Variants in SLC4A4 observed in about 807,000 individuals in gnomAD.
The protein encoded by SLC4A4 is electrogenic sodium bicarbonate cotransporter 1.
SLC4A4 carries 27 observed loss-of-function variants against 111.5 expected under a neutral mutation model. The ratio of observed to expected loss-of-function variants is 0.24; its 90% confidence interval spans 0.18 to 0.33. The LOEUF (loss-of-function observed/expected upper bound fraction) is 0.33, where lower values mean the gene tolerates loss of function less well. SLC4A4 is among the 10% of genes least tolerant of loss of function. SLC4A4 has a pLI of 1.00. For missense variants in SLC4A4, 909 were observed against 1,315.5 expected, an observed-to-expected ratio of 0.69 and a Z score of 4.78; for synonymous variants, 443 against 463.4, an observed-to-expected ratio of 0.96 and a Z score of 0.57.
intron 3 of SLC4A4, among the ~76,000 whole-genome samples, chr4:71,256,069 T>A (rs1386789932): frequency 6.6e-6 from 1 of 152,210 alleles, no homozygotes; most frequent in Non-Finnish European, 1.5e-5. Flanking sequence ...TTGCTTTTTG[T>A]TTCTTTAATG....
chr4:71,571,874 C>T lies in SLC4A4; in HGVS notation c.*4123C>T, dbSNP rs553161374. ...AATGAAGTAGATCAACATGGTGGAA[C>T]AAAATGATAAAGAACAGAAAACATT... is the stretch of plus-strand genomic sequence containing the variant. On this transcript the variant is annotated 3_prime_UTR_variant, in exon 26 of 26. Transcript: ENST00000264485. The T allele has an allele frequency of 1.3e-5, 2 of 152,108 alleles. No individual in the cohort carries two copies. Among genetic ancestry groups the T allele is most frequent in the East Asian group, 1.9e-4 (1 of 5,136 alleles). 9.4% of individuals were successfully genotyped at this position (152,108 alleles called of 1,614,324 possible).
intron 5 of SLC4A4, among the ~76,000 whole-genome samples, chr4:71,355,141 G>A (rs985609571): frequency 6.6e-6 from 1 of 152,200 alleles, no homozygotes; most frequent in Non-Finnish European, 1.5e-5. Flanking sequence ...TAGTAACAGA[G>A]GACTGGCTGT....
intron 8 of SLC4A4, among the ~76,000 whole-genome samples, chr4:71,441,250 ATGT>A (rs1724686463): frequency 6.6e-6 from 1 of 152,136 alleles, no homozygotes; most frequent in Non-Finnish European, 1.5e-5. Context: ...TCACTATTAA[ATGT>A]TGTGTCACAA....
At chr4:71,125,473 T>C (rs1482507479) in intron 2 of SLC4A4, among the ~76,000 whole-genome samples, 2 of 152,262 alleles carry the variant, frequency 1.3e-5, no homozygotes, top group East Asian at 3.9e-4. Flanking sequence ...GGCACGAGAA[T>C]TGTTTGAACC....
intron 20 of SLC4A4, among the ~76,000 whole-genome samples, chr4:71,549,126 C>T (rs1735777904): frequency 6.6e-6 from 1 of 151,836 alleles, no homozygotes; most frequent in Admixed American, 6.6e-5. Context: ...TAAAAGAGTA[C>T]AGAGCTTATG....
chr4:71,352,916 G>A (rs1283120682), intron 5 of SLC4A4, among the ~76,000 whole-genome samples: 3 of 152,158 alleles, frequency 2.0e-5, no homozygotes. Flanking sequence ...CAGCAAGGGT[G>A]ATGAAAGTTA....
At chr4:71,258,338 G>A (rs1721606106) in intron 3 of SLC4A4, among the ~76,000 whole-genome samples, 1 of 152,178 alleles carries the variant, frequency 6.6e-6, no homozygotes, top group South Asian at 2.1e-4. Context: ...CCTCTTCAGA[G>A]AGTCCTTTCC....
intron 2 of SLC4A4, among the ~76,000 whole-genome samples, chr4:71,144,447 T>A: frequency 6.6e-6 from 1 of 152,196 alleles, no homozygotes; most frequent in East Asian, 1.9e-4. Context: ...TTTGGTTCCT[T>A]ATGAACTTTA....
intron 3 of SLC4A4, among the ~76,000 whole-genome samples, chr4:71,316,192 G>A (rs1210498138): frequency 6.6e-6 from 1 of 152,164 alleles, no homozygotes. Flanking sequence ...AACTGTGGCA[G>A]CAAAATAAAT....
intron 1 of SLC4A4, among the ~76,000 whole-genome samples, chr4:71,065,467 G>A (rs564531052): frequency 1.4e-5 from 2 of 145,076 alleles, no homozygotes; most frequent in Non-Finnish European, 3.2e-5. Context: ...CTTGCTAATG[G>A]TATGATTTTG....
intron 2 of SLC4A4, among the ~76,000 whole-genome samples, chr4:71,181,883 G>C (rs959567328): frequency 2.0e-5 from 3 of 152,154 alleles, no homozygotes; most frequent in African/African-American, 7.2e-5. Flanking sequence ...TAGGGCTAAG[G>C]GGATTCTACA....
At chr4:71,441,577 T>C (rs928442807) in intron 8 of SLC4A4, among the ~76,000 whole-genome samples, 1 of 152,010 alleles carries the variant, frequency 6.6e-6, no homozygotes. Context: ...TCCTTTAGGT[T>C]TCCTCATGTG....
chr4:71,496,486 G>A (rs1730420534), intron 15 of SLC4A4, among the ~76,000 whole-genome samples: 1 of 151,988 alleles, frequency 6.6e-6, no homozygotes, highest in Non-Finnish European at 1.5e-5. Flanking sequence ...ACCTGGAGAC[G>A]AAGAGGGTAT....
At chr4:71,361,869 A>G (rs10000718) in intron 6 of SLC4A4, among the ~76,000 whole-genome samples, 19 of 152,202 alleles carry the variant, frequency 1.2e-4, no homozygotes, top group Non-Finnish European at 2.5e-4. Flanking sequence ...CTTAATTGGT[A>G]TTCATTCAAT....
At position 71,193,198 on chromosome 4, in the gene SLC4A4, C is replaced by T. The variant is rs547466044; in HGVS notation, c.-2+5797C>T. Among the ~76,000 whole-genome samples, 402 of 152,304 alleles carry T rather than the reference C, an allele frequency of 2.6e-3. 1 individual carries two copies. The highest frequency in any genetic ancestry group is 4.6e-3 in the Non-Finnish European group (312 of 68,024). Reference sequence around the variant, plus strand: ...TTGGTGAACATGTCGCCCTGTCTGTCGCCCAGGCTGGAGTGCGGTGGCCGG... The same window carrying T: ...TTGGTGAACATGTCGCCCTGTCTGTTGCCCAGGCTGGAGTGCGGTGGCCGG... On this transcript the variant is annotated intron_variant, in intron 1 of 25. Transcript: ENST00000264485.
chr4:71,070,387 T>C (rs763428137), intron 1 of SLC4A4, among the ~76,000 whole-genome samples: 9 of 152,136 alleles, frequency 5.9e-5, no homozygotes, highest in Admixed American at 6.5e-5. Flanking sequence ...GAGTCTACAA[T>C]TGCCAAGGTG....
chr4:71,245,191 GT>G (rs1720563944), intron 2 of SLC4A4, among the ~76,000 whole-genome samples: 1 of 152,152 alleles, frequency 6.6e-6, no homozygotes, highest in African/African-American at 2.4e-5. Context: ...CAGGGGGAGA[GT>G]TCTGAGGTGG....
intron 6 of SLC4A4, among the ~76,000 whole-genome samples, chr4:71,363,259 A>G (rs1164130694): frequency 2.0e-5 from 3 of 152,228 alleles, no homozygotes; most frequent in Non-Finnish European, 4.4e-5. Flanking sequence ...CCAGTGAAAT[A>G]TAAGTGATAT....
rs755442695 is a variant in SLC4A4 at position 71,365,972 on chromosome 4, C to T, written c.730+8785C>T. On this transcript the variant is annotated intron_variant, in intron 6 of 25. Transcript: ENST00000264485. Reference sequence around the variant, plus strand: ...CATAATTTATTTCCCACACATCACCCGGTCCAGGTCTCATATGTAATAATG... The same window carrying T: ...CATAATTTATTTCCCACACATCACCTGGTCCAGGTCTCATATGTAATAATG... 8.5e-5 allele frequency among the ~76,000 whole-genome samples: 13 copies of T among 152,196 alleles called. 1 individual carries two copies. Among genetic ancestry groups the T allele is most frequent in the Non-Finnish European group, 1.5e-4 (10 of 67,994 alleles).
Sources: allele counts gnomAD v4.1 joint callset (sites outside exome capture counted in the v4.1 genomes callset), GRCh38; gene constraint gnomAD v4.1.1; transcripts MANE v1.5; gene names NCBI Gene and HGNC (gene_info 2026-07-23, HGNC 2026-07-21).